CTNNA2: variants seen among roughly 807,000 people sequenced by gnomAD.
The protein encoded by CTNNA2 is catenin alpha-2.
A neutral mutation model predicts 101.0 loss-of-function variants in CTNNA2; 42 were observed. The observed-to-expected ratio is 0.42, with a 90% CI of 0.32 to 0.54. CTNNA2 has a LOEUF of 0.54. CTNNA2 is among the 20% of genes least tolerant of loss of function. The pLI is 0.14. For missense variants in CTNNA2, 871 were observed against 1,223.1 expected, an observed-to-expected ratio of 0.71 and a Z score of 4.29; for synonymous variants, 450 against 456.4, an observed-to-expected ratio of 0.99 and a Z score of 0.18.
At chr2:79,281,801 C>T (rs1008885981) in intron 2 of CTNNA2, among the ~76,000 whole-genome samples, 1 of 152,104 alleles carries the variant, frequency 6.6e-6, no homozygotes, top group Non-Finnish European at 1.5e-5. Flanking sequence ...GACATATTTG[C>T]CTTATATTTG....
chr2:79,953,901 G>A (rs1689047373), intron 7 of CTNNA2, among the ~76,000 whole-genome samples: 1 of 152,086 alleles, frequency 6.6e-6, no homozygotes, highest in South Asian at 2.1e-4. Context: ...ATAGGTTATG[G>A]TTCTCCACTT....
At chr2:80,234,377 C>T (rs1222811215) in intron 7 of CTNNA2, among the ~76,000 whole-genome samples, 2 of 152,158 alleles carry the variant, frequency 1.3e-5, no homozygotes, top group East Asian at 1.9e-4. Flanking sequence ...TATTAATCTT[C>T]GTAGAACCTT....
At chr2:79,236,246 G>T (rs572851324) in intron 2 of CTNNA2, among the ~76,000 whole-genome samples, 1 of 152,208 alleles carries the variant, frequency 6.6e-6, no homozygotes, top group East Asian at 1.9e-4. Flanking sequence ...AATCTTCCCC[G>T]CTCAGCCTCC....
chr2:79,944,346 A>ATACT (rs1384307272), intron 7 of CTNNA2, among the ~76,000 whole-genome samples: 6 of 152,244 alleles, frequency 3.9e-5, no homozygotes, highest in Admixed American at 2.6e-4. Context: ...TAGGAGCTAT[A>ATACT]TACTTTATTA....
At chr2:80,002,306 G>C (rs549827228) in intron 7 of CTNNA2, among the ~76,000 whole-genome samples, 332 of 152,240 alleles carry the variant, frequency 2.2e-3, no homozygotes, top group South Asian at 0.011. Context: ...TACTCTAAAA[G>C]GAAAATTGAG....
intron 9 of CTNNA2, among the ~76,000 whole-genome samples, chr2:80,454,653 G>A (rs889523911): frequency 6.6e-6 from 1 of 152,214 alleles, no homozygotes; most frequent in Admixed American, 6.5e-5. Flanking sequence ...GGCTGACGGA[G>A]GGCAAGTACC....
chr2:80,617,197 C>T (rs3770358), intron 17 of CTNNA2, among the ~76,000 whole-genome samples: 9 of 151,304 alleles, frequency 5.9e-5, no homozygotes, highest in East Asian at 2.0e-4. Flanking sequence ...GTTTCTAATA[C>T]GTAATAATTT....
chr2:79,352,936 T>C (rs1326828449), intron 3 of CTNNA2, among the ~76,000 whole-genome samples: 1 of 152,126 alleles, frequency 6.6e-6, no homozygotes, highest in Non-Finnish European at 1.5e-5. Flanking sequence ...TATATTCAAA[T>C]GGCCAGCAGG....
chr2:80,302,189 C>T lies in CTNNA2; in HGVS notation c.1057-91022C>T. 1.3e-6 allele frequency: 2 copies of T among 1,561,028 alleles called. No individual in the cohort carries two copies. Among genetic ancestry groups the T allele is most frequent in the Non-Finnish European group, 8.7e-7 (1 of 1,153,402 alleles). On this transcript the variant is annotated intron_variant, in intron 7 of 18. Coordinates refer to ENST00000402739, the MANE Select transcript of CTNNA2 (RefSeq NM_001282597.3). The surrounding 1 kb of genome is among the most constrained non-coding windows in gnomAD (Gnocchi z 6.4). ...CAAGGAGACCCCAGCCTGGTGCCCG[C>T]CGGCCCGTCCCGGCTGCCCAGGCGT...
intron 7 of CTNNA2, among the ~76,000 whole-genome samples, chr2:79,985,725 C>T (rs1035152056): frequency 2.6e-5 from 4 of 152,192 alleles, no homozygotes; most frequent in African/African-American, 9.6e-5. Context: ...AAGCAGCAGG[C>T]CCAGCAGCAG....
chr2:79,974,075 C>T (rs1395311611), intron 7 of CTNNA2, among the ~76,000 whole-genome samples: 1 of 152,016 alleles, frequency 6.6e-6, no homozygotes, highest in African/African-American at 2.4e-5. Context: ...CCTTTGTCGC[C>T]ATCTTCAACT....
intron 4 of CTNNA2, among the ~76,000 whole-genome samples, chr2:79,415,621 G>A (rs1379174125): frequency 6.6e-6 from 1 of 151,988 alleles, no homozygotes; most frequent in Non-Finnish European, 1.5e-5. Context: ...AATGCTTAAG[G>A]AATACTATGT....
At chr2:80,570,165 C>T (rs1003194913) in intron 12 of CTNNA2, among the ~76,000 whole-genome samples, 9 of 152,144 alleles carry the variant, frequency 5.9e-5, no homozygotes, top group Non-Finnish European at 1.3e-4. Flanking sequence ...TCTCATGCCT[C>T]AGCCTCTCGA....
chr2:80,079,706 C>T (rs191593097), intron 7 of CTNNA2, among the ~76,000 whole-genome samples: 4,985 of 151,366 alleles, frequency 0.033, 274 homozygotes, highest in African/African-American at 0.11. Context: ...CACAGCTACT[C>T]GGGAGGCTGA....
chr2:80,448,590 C>T (rs888182854), intron 9 of CTNNA2, among the ~76,000 whole-genome samples: 17 of 152,152 alleles, frequency 1.1e-4, no homozygotes, highest in African/African-American at 3.6e-4. Context: ...ATTTGAAGTC[C>T]TCCAGGTGAT....
chr2:80,273,236 T>A (rs2149143288), intron 7 of CTNNA2, among the ~76,000 whole-genome samples: 1 of 152,314 alleles, frequency 6.6e-6, no homozygotes, highest in East Asian at 1.9e-4. Context: ...TTCACCCTTT[T>A]GGTTACTCAA....
At chr2:79,629,806 A>G (rs891162160) in intron 1 of CTNNA2, among the ~76,000 whole-genome samples, 3 of 152,010 alleles carry the variant, frequency 2.0e-5, no homozygotes, top group African/African-American at 7.3e-5. Context: ...GAATTTTGTG[A>G]TATCTTGGCA....
intron 7 of CTNNA2, among the ~76,000 whole-genome samples, chr2:80,095,060 G>C (rs1700057605): frequency 6.6e-6 from 1 of 152,188 alleles, no homozygotes. Flanking sequence ...AGTGGTGAGA[G>C]AGGGCTTCCC....
chr2:80,427,836 G>A (rs1574015906), intron 9 of CTNNA2, among the ~76,000 whole-genome samples: 1 of 152,238 alleles, frequency 6.6e-6, no homozygotes, highest in Non-Finnish European at 1.5e-5. Context: ...CCCATGTGCT[G>A]ATGCTGGTCT....
Sources: gnomAD v4.1 joint callset for allele counts (sites outside exome capture counted in the v4.1 genomes callset) on GRCh38, gnomAD v4.1.1 for gene constraint, Gnocchi (gnomAD v3.1) non-coding constraint, MANE v1.5 for transcripts, NCBI Gene and HGNC (gene_info 2026-07-23, HGNC 2026-07-21) for gene names.